The following MTMR6 variants were observed in gnomAD, a reference collection of about 807,000 sequenced individuals.
MTMR6 encodes myotubularin related protein 6, also known as phosphatidylinositol-3,5-bisphosphate 3-phosphatase MTMR6.
A neutral mutation model predicts 80.1 loss-of-function variants in MTMR6; 47 were observed. The ratio of observed to expected loss-of-function variants is 0.59; its 90% CI spans 0.46 to 0.75. MTMR6 has a LOEUF of 0.75. MTMR6 is among the 30% of genes least tolerant of loss of function. The pLI, the probability that MTMR6 is intolerant of heterozygous loss-of-function variation, is 0.00. For missense variants in MTMR6, 629 were observed against 730.9 expected, an observed-to-expected ratio of 0.86 and a Z score of 1.61; for synonymous variants, 254 against 253.0, an observed-to-expected ratio of 1.00 and a Z score of -0.04.
At chr13:25,253,637 C>CA in intron 11 of MTMR6, 127 bp downstream of exon 11, 1 of 859,752 alleles carries the variant, frequency 1.2e-6, no homozygotes, top group Non-Finnish European at 1.7e-6. Flanking sequence ...TTTAGAAATA[C>CA]AAAAAATAAA....
At chr13:25,258,875 G>A (rs1176115511) in intron 6 of MTMR6, among the ~76,000 whole-genome samples, 183 bp from the exon 7 acceptor site, 1 of 152,104 alleles carries the variant, frequency 6.6e-6, no homozygotes, top group Non-Finnish European at 1.5e-5. Flanking sequence ...TAGTAATGAA[G>A]GAGATAATAA....
rs774706545 is a variant in MTMR6 at position 25,251,717 on chromosome 13, A to G, written c.1537T>C (p.Phe513Leu). The change falls in exon 13 of 14, where the codon TTT (phenylalanine) becomes CTT (leucine). Residue 513 changes from phenylalanine (F) to leucine (L), a missense_variant. Physicochemically the swap from Phe to Leu is conservative, Grantham distance 22. Transcript: ENST00000381801. This position sits in a 1 kb window ranked among gnomAD's most constrained non-coding sequence, Gnocchi z 4.1. ...DRTLHPRQSVFNIIMNMNEQN... is the reference protein window; with the variant it reads ...DRTLHPRQSVLNIIMNMNEQN... ...TCATTCATATTCATAATTATATTAA[A>G]TACAGACTGCCTAGGATGCAGTGTT... The G allele has an allele frequency of 1.6e-5, 25 of 1,583,922 alleles. 1 individual carries two copies. The Admixed American group carries it at 4.1e-4, about 26-fold the overall frequency.
At position 25,259,218 on chromosome 13, in the gene MTMR6, A is replaced by G. The variant is rs1441020592; in HGVS notation, c.727-526T>C. On this transcript the variant is annotated intron_variant, in intron 6 of 13. Coordinates refer to ENST00000381801, the MANE Select transcript of MTMR6 (RefSeq NM_004685.5). ...TTATTGGAGGCCCATACATCATATA[A>G]TATGGCATATAATCGGCTATCCTGA... Among the ~76,000 whole-genome samples, 3 of 152,312 alleles carry G rather than the reference A, an allele frequency of 2.0e-5. No homozygotes were observed. In the East Asian group the frequency reaches 5.8e-4, roughly 29 times the overall value.
At chr13:25,262,831 TATTAA>T (rs1566038285) in intron 5 of MTMR6, among the ~76,000 whole-genome samples, 5 of 152,228 alleles carry the variant, frequency 3.3e-5, no homozygotes, top group Admixed American at 3.3e-4. Flanking sequence ...AACATTGCCT[TATTAA>T]ATTCTTTTCA....
Position 25,287,242 on chromosome 13 carries a change from C to T in MTMR6, c.6G>A (p.Glu2=). M[E]HIRTTKVEQV... ...CGACTACCTTGGTCGTCCGGATATG[C>T]TCCATCGCAAGGAGACGTCAGCCGG... Residue 2 remains glutamate (E), a synonymous_variant, in exon 1 of 14, where the codon GAG becomes GAA. Coordinates refer to ENST00000381801, the MANE Select transcript of MTMR6 (RefSeq NM_004685.5). The T allele has an allele frequency of 6.3e-7, 1 of 1,596,716 alleles. No homozygotes were observed.
chr13:25,268,338 A>G (rs1957500332), intron 2 of MTMR6, among the ~76,000 whole-genome samples: 1 of 152,332 alleles, frequency 6.6e-6, no homozygotes, highest in Middle Eastern at 3.4e-3. Context: ...TCTACAACAC[A>G]GTAGTGAACA....
chr13:25,266,966 A>C (rs1382247959), intron 3 of MTMR6, among the ~76,000 whole-genome samples: 1 of 152,138 alleles, frequency 6.6e-6, no homozygotes, highest in Non-Finnish European at 1.5e-5. Flanking sequence ...AGTAGCGATA[A>C]GATTCTTCTT....
chr13:25,279,911 A>C (rs1159731664), intron 1 of MTMR6, among the ~76,000 whole-genome samples: 1 of 152,242 alleles, frequency 6.6e-6, no homozygotes, highest in Non-Finnish European at 1.5e-5. Context: ...TTTTAAGCAC[A>C]GTAGTCCATT....
At chr13:25,266,421 T>C (rs780968024) in intron 3 of MTMR6, 135 bp from the exon 4 acceptor site, 13 of 714,190 alleles carry the variant, frequency 1.8e-5, no homozygotes, top group Non-Finnish European at 2.5e-5. Flanking sequence ...CCTGAATACA[T>C]TTGATGTTCA....
Position 25,287,240 on chromosome 13 carries a change from T to C in MTMR6, c.8A>G (p.His3Arg), listed in dbSNP as rs1392461566. Residue 3 changes from histidine (H) to arginine (R), a missense_variant, in exon 1 of 14, where the codon CAT becomes CGT. Physicochemically the swap from His to Arg is conservative, Grantham distance 29 (BLOSUM62 0). Transcript: ENST00000381801. ...CCCGACTACCTTGGTCGTCCGGATA[T>C]GCTCCATCGCAAGGAGACGTCAGCC... ME[H>R]IRTTKVEQVK... The C allele has an allele frequency of 1.3e-6, 2 of 1,597,508 alleles. No homozygotes were observed. Among genetic ancestry groups the C allele is most frequent in the South Asian group, 2.3e-5 (2 of 88,876 alleles).
intron 1 of MTMR6, among the ~76,000 whole-genome samples, chr13:25,283,261 C>T (rs1214836129): frequency 6.6e-6 from 1 of 152,168 alleles, no homozygotes; most frequent in East Asian, 1.9e-4. Flanking sequence ...GTTCCCACCT[C>T]CACCTCTTCT....
Position 25,251,575 on chromosome 13 carries a change from C to T in MTMR6, c.1605+74G>A. On this transcript the variant is annotated intron_variant, in intron 13 of 13. Transcript: ENST00000381801. This position sits in a 1 kb window ranked among gnomAD's most constrained non-coding sequence, Gnocchi z 4.1. ...CAGAAGTTTATGTGCTGATTTACAC[C>T]AACAATACAAATATTAGTCTAATCG... 7.7e-7 allele frequency: 1 copy of T among 1,294,320 alleles called. No homozygotes were observed. The highest frequency in any genetic ancestry group is 1.4e-5 in the South Asian group (1 of 71,178). The allele number at this position is 1,294,320 out of a possible 1,614,324, so 80.2% of individuals were successfully genotyped here. A position where few individuals can be genotyped will look rare whatever the true frequency, so the allele number is the denominator to read the frequency against.
chr13:25,255,768 C>T lies in MTMR6; in HGVS notation c.1096-1334G>A, dbSNP rs185188511. The stretch of plus-strand genomic sequence containing the variant: ...CGAATTCCTGACCTCATGATCCACC[C>T]GCCTTGGCCTCCCAAAGTGCTGGGA... On this transcript the variant is annotated intron_variant, in intron 9 of 13. Coordinates refer to ENST00000381801, the MANE Select transcript of MTMR6 (RefSeq NM_004685.5). Among the ~76,000 whole-genome samples the T allele has an allele frequency of 5.6e-3, 858 of 152,294 alleles. 5 individuals are homozygous for T. Among genetic ancestry groups the T allele is most frequent in the African/African-American group, 0.019 (797 of 41,572 alleles).
At chr13:25,268,058 C>T (rs563764709) in intron 2 of MTMR6, 117 bp from the exon 3 acceptor site, 2 of 977,796 alleles carry the variant, frequency 2.0e-6, no homozygotes, top group Non-Finnish European at 2.9e-6. Context: ...TACATACTCA[C>T]TCAAACTTCA....
At chr13:25,278,709 CAAAAAAAAAAAAA>C (rs57589187) in intron 1 of MTMR6, among the ~76,000 whole-genome samples, 5 of 55,470 alleles carry the variant, frequency 9.0e-5, no homozygotes, top group African/African-American at 3.4e-4. Flanking sequence ...CAAGACTCTG[CAAAAAAAAAAAAA>C]AAAAAAAAAA....
At chr13:25,250,182 A>G (rs1054988974) in intron 13 of MTMR6, among the ~76,000 whole-genome samples, 1 of 152,198 alleles carries the variant, frequency 6.6e-6, no homozygotes, top group African/African-American at 2.4e-5. Flanking sequence ...TCTTACTGTT[A>G]TAACTGTCTA....
At chr13:25,277,524 A>T (rs189964573) in intron 1 of MTMR6, among the ~76,000 whole-genome samples, 1 of 152,306 alleles carries the variant, frequency 6.6e-6, no homozygotes, top group African/African-American at 2.4e-5. Flanking sequence ...TTTACCAGTG[A>T]TCCCTTTTGT....
In MTMR6 at chr13:25,251,107, C is replaced by T. The variant is rs893458816; in HGVS notation, c.1605+542G>A. Among the ~76,000 whole-genome samples, 31 of 152,134 alleles carry T rather than the reference C, an allele frequency of 2.0e-4. No homozygotes were observed. The highest frequency in any genetic ancestry group is 7.5e-4 in the African/African-American group (31 of 41,430). On this transcript the variant is annotated intron_variant, in intron 13 of 13. Coordinates refer to ENST00000381801, the MANE Select transcript of MTMR6 (RefSeq NM_004685.5). The surrounding 1 kb of genome is among the most constrained non-coding windows in gnomAD (Gnocchi z 4.1). ...TCTTGGCTCACTGCAACCTCCGCCT[C>T]CCAGGTTCAAGCAATTCTCCTGCTT...
At chr13:25,265,362 AT>A (rs1297462899) in intron 5 of MTMR6, among the ~76,000 whole-genome samples, 1 of 152,224 alleles carries the variant, frequency 6.6e-6, no homozygotes, top group African/African-American at 2.4e-5. Context: ...AAATTTCTGT[AT>A]TTGAGTAGTT....
Sources: allele counts gnomAD v4.1 joint callset (sites outside exome capture counted in the v4.1 genomes callset), GRCh38; gene constraint gnomAD v4.1.1; non-coding constraint Gnocchi (gnomAD v3.1); transcripts MANE v1.5; gene names NCBI Gene and HGNC (gene_info 2026-07-23, HGNC 2026-07-21).